Variants in DEPDC5 observed in about 807,000 individuals in gnomAD.
DEPDC5 encodes the protein GATOR1 complex protein DEPDC5.
Under a neutral mutation model 217.3 loss-of-function variants are expected in DEPDC5, and 73 were observed. That is an observed-to-expected ratio of 0.34 (90% CI 0.28 to 0.41). The LOEUF (loss-of-function observed/expected upper bound fraction) is 0.41, where lower values mean the gene tolerates loss of function less well. DEPDC5 is among the 10% of genes least tolerant of loss of function. The pLI, the probability that DEPDC5 is intolerant of heterozygous loss-of-function variation, is 1.00. For missense variants in DEPDC5, 1,675 were observed against 2,070.1 expected (o/e 0.81, Z 3.70); for synonymous variants, 733 against 756.7 (o/e 0.97, Z 0.51).
chr22:31,811,446 C>T (rs1377880224), intron 20 of DEPDC5, among the ~76,000 whole-genome samples: 3 of 152,178 alleles, frequency 2.0e-5, no homozygotes, highest in Non-Finnish European at 4.4e-5. Flanking sequence ...TGGCTCTATC[C>T]TTGGACACAG....
At chr22:31,897,739 C>G in intron 40 of DEPDC5, 86 bp downstream of exon 40, 1 of 1,480,678 alleles carries the variant, frequency 6.8e-7, no homozygotes, top group Admixed American at 2.0e-5. Context: ...CCAGTCAACA[C>G]GGACTAGGGA....
intron 22 of DEPDC5, among the ~76,000 whole-genome samples, chr22:31,819,961 A>G (rs1569007644): frequency 6.6e-6 from 1 of 152,128 alleles, no homozygotes; most frequent in Non-Finnish European, 1.5e-5. Flanking sequence ...TTTCCCCTGA[A>G]TTCACTTTTT....
chr22:31,872,652 C>T (rs960228625), intron 34 of DEPDC5, among the ~76,000 whole-genome samples: 2 of 151,982 alleles, frequency 1.3e-5, no homozygotes, highest in Non-Finnish European at 1.5e-5. Context: ...GGGCCTTGGG[C>T]CTGAGGAATA....
At chr22:31,864,503 T>TATATATATATATAA (rs1569144405) in intron 33 of DEPDC5, among the ~76,000 whole-genome samples, 4 of 130,934 alleles carry the variant, frequency 3.1e-5, no homozygotes, top group Non-Finnish European at 6.3e-5. Context: ...TTCATTAAAA[T>TATATATATATATAA]ATATATATAT....
intron 26 of DEPDC5, among the ~76,000 whole-genome samples, chr22:31,837,955 G>C (rs747752047): frequency 6.6e-6 from 1 of 151,636 alleles, no homozygotes; most frequent in African/African-American, 2.4e-5. Context: ...CACCCACCTC[G>C]GCCTCCCAAA....
intron 7 of DEPDC5, among the ~76,000 whole-genome samples, chr22:31,769,928 A>G (rs1363217926): frequency 6.6e-6 from 1 of 151,268 alleles, no homozygotes; most frequent in African/African-American, 2.4e-5. Flanking sequence ...GCCTCAAAAA[A>G]AAAATTCAGA....
At chr22:31,865,865 T>G (rs2092674885) in intron 33 of DEPDC5, among the ~76,000 whole-genome samples, 1 of 152,186 alleles carries the variant, frequency 6.6e-6, no homozygotes, top group Admixed American at 6.5e-5. Context: ...GCATATGGGA[T>G]TCTGTTGTGG....
At chr22:31,874,095 C>T (rs572436643) in intron 35 of DEPDC5, 178 bp from the exon 36 acceptor site, 67 of 1,016,802 alleles carry the variant, frequency 6.6e-5, no homozygotes, top group Admixed American at 1.2e-4. Flanking sequence ...GCTGGGCCCC[C>T]GGTAACAGTT....
At chr22:31,831,387 T>G (rs1487975299) in intron 24 of DEPDC5, among the ~76,000 whole-genome samples, 1 of 152,236 alleles carries the variant, frequency 6.6e-6, no homozygotes, top group Non-Finnish European at 1.5e-5. Flanking sequence ...TTTAAAAATC[T>G]GCTCCAAGCA....
chr22:31,884,690 C>G (rs959344976), intron 38 of DEPDC5, among the ~76,000 whole-genome samples: 1 of 152,172 alleles, frequency 6.6e-6, no homozygotes. Context: ...ACCCCAAGAT[C>G]TGGTCACTGC....
chr22:31,768,569 T>G (rs1399580782), intron 6 of DEPDC5, among the ~76,000 whole-genome samples: 1 of 152,228 alleles, frequency 6.6e-6, no homozygotes, highest in African/African-American at 2.4e-5. Flanking sequence ...CCACCTGGTC[T>G]TTGCTATTAT....
Position 31,804,211 on chromosome 22 carries a change from C to G in DEPDC5, c.1131C>G (p.Val377=). 6.2e-7 allele frequency: 1 copy of G among 1,614,060 alleles called. No homozygotes were observed. The highest frequency in any genetic ancestry group is 8.5e-7 in the Non-Finnish European group (1 of 1,179,978). ...TGGGAGAGCAACCGTTACATGCTGTCCCATTGTTCAAGGTAATTAGATTTC... is the reference window on the plus strand; with the variant it reads ...TGGGAGAGCAACCGTTACATGCTGTGCCATTGTTCAAGGTAATTAGATTTC... ...VCMGEQPLHA[V]PLFKLHNRSA... The change falls in exon 16 of 43, where the codon GTC becomes GTG. Residue 377 remains valine (V), a synonymous_variant. Transcript: ENST00000651528.
chr22:31,879,913 C>T lies in DEPDC5; in HGVS notation c.4033+161C>T, dbSNP rs931241257. The T allele has an allele frequency of 6.0e-5, 41 of 686,336 alleles. No homozygotes were observed. The South Asian group carries it at 7.0e-4, about 12-fold the overall frequency. The allele number at this position is 686,336 out of a possible 1,614,324, so 42.5% of individuals were successfully genotyped here. On this transcript the variant is annotated intron_variant, in intron 38 of 42. Coordinates refer to ENST00000651528, the MANE Select transcript of DEPDC5 (RefSeq NM_001242896.3). ...TCGGCACTGTTGGCTCCGTTGCTGA[C>T]TTCCACTTGCCGAGTGGTTTTATGA...
rs1163140081 is a variant in DEPDC5, at chr22:31,893,606, C to T, written c.4058C>T (p.Thr1353Ile). 10 of 1,611,938 alleles carry T rather than the reference C, an allele frequency of 6.2e-6. No homozygotes were observed. Among genetic ancestry groups the T allele is most frequent in the Non-Finnish European group, 6.8e-6 (8 of 1,179,046 alleles). The change falls in exon 39 of 43, where the codon ACT (threonine) becomes ATT (isoleucine). Residue 1353 changes from threonine (T) to isoleucine (I), a missense_variant. Coordinates refer to ENST00000651528, the MANE Select transcript of DEPDC5 (RefSeq NM_001242896.3). ...LLAATVPEQRTVTLDVDVNNR... is the reference protein window; with the variant it reads ...LLAATVPEQRIVTLDVDVNNR... ...GCTGCCACTGTCCCAGAGCAGAGGA[C>T]TGTGACCCTGGATGTTGACGTGAAC...
intron 20 of DEPDC5, among the ~76,000 whole-genome samples, chr22:31,811,110 C>T (rs1314117154): frequency 1.3e-5 from 2 of 152,110 alleles, no homozygotes; most frequent in Non-Finnish European, 2.9e-5. Context: ...CACTCTGTCA[C>T]CCAGGCTGGA....
intron 6 of DEPDC5, 49 bp from the exon 7 acceptor site, chr22:31,768,765 C>T: frequency 6.9e-7 from 1 of 1,452,312 alleles, no homozygotes; most frequent in South Asian, 1.2e-5. Context: ...TCTTTCTCAC[C>T]CTCTCTCCCT....
At chr22:31,858,300 T>TA (rs1326106863) in intron 32 of DEPDC5, 2 of 152,038 alleles carry the variant, frequency 1.3e-5, no homozygotes, top group Non-Finnish European at 2.9e-5. Context: ...GGGGGGAAAA[T>TA]ACAGAAAACC....
chr22:31,861,443 A>G lies in DEPDC5; in HGVS notation c.3330+10A>G. The G allele has an allele frequency of 6.4e-7, 1 of 1,550,564 alleles. No homozygotes were observed. Among genetic ancestry groups the G allele is most frequent in the Non-Finnish European group, 8.7e-7 (1 of 1,146,700 alleles). On this transcript the variant is annotated intron_variant, in intron 33 of 42. Transcript: ENST00000651528. ...CGCCTTCTACCCTCAGGTTAGTCCA[A>G]CTCCAGGGCTTCGCATGCCTGTCCC...
chr22:31,894,650 G>A (rs957425436), intron 39 of DEPDC5: 2 of 152,102 alleles, frequency 1.3e-5, no homozygotes, highest in Non-Finnish European at 2.9e-5. Context: ...TTCAAAACCA[G>A]CCTGGCCAAC....
Sources: allele counts gnomAD v4.1 joint callset (sites outside exome capture counted in the v4.1 genomes callset), GRCh38; gene constraint gnomAD v4.1.1; transcripts MANE v1.5; gene names NCBI Gene and HGNC (gene_info 2026-07-23, HGNC 2026-07-21).